The following NAALADL2 variants were observed in gnomAD, a reference collection of about 807,000 sequenced individuals.
The protein encoded by NAALADL2 is inactive N-acetylated-alpha-linked acidic dipeptidase-like protein 2.
In NAALADL2, 76 loss-of-function variants were observed where a neutral mutation model predicts 87.2. That is an observed-to-expected ratio of 0.87 (90% CI 0.72 to 1.05). NAALADL2 has a LOEUF of 1.05. Among genes scored for constraint, NAALADL2 ranks in the 50% least tolerant of loss-of-function variants. The pLI, the probability that NAALADL2 is intolerant of heterozygous loss-of-function variation, is 0.00. For synonymous variants in NAALADL2, 354 were observed against 331.0 expected (o/e 1.07, Z -0.75); for missense variants, 1,089 against 945.8 (o/e 1.15, Z -1.99).
chr3:174,669,668 G>A (rs990922686), intron 2 of NAALADL2, among the ~76,000 whole-genome samples: 4 of 152,064 alleles, frequency 2.6e-5, no homozygotes, highest in Non-Finnish European at 4.4e-5. Context: ...TTGGAATTAG[G>A]AAGTGTGATG....
intron 9 of NAALADL2, among the ~76,000 whole-genome samples, chr3:175,568,195 T>C (rs1181322732): frequency 6.6e-6 from 1 of 152,054 alleles, no homozygotes; most frequent in Non-Finnish European, 1.5e-5. Flanking sequence ...ACTTCTAGTA[T>C]AAAATAGTAG....
chr3:175,554,529 G>C (rs1714947562), intron 9 of NAALADL2, among the ~76,000 whole-genome samples: 1 of 151,968 alleles, frequency 6.6e-6, no homozygotes, highest in African/African-American at 2.4e-5. Flanking sequence ...TATAGGTAAT[G>C]ATATAGTCAG....
intron 11 of NAALADL2, among the ~76,000 whole-genome samples, chr3:175,636,676 T>C (rs939902330): frequency 5.3e-5 from 7 of 133,236 alleles, no homozygotes; most frequent in African/African-American, 8.6e-5. Flanking sequence ...CCAGCCTTGG[T>C]GACAGAGCAA....
chr3:174,773,784 C>T (rs184081296), intron 3 of NAALADL2, among the ~76,000 whole-genome samples: 58 of 152,182 alleles, frequency 3.8e-4, no homozygotes, highest in Non-Finnish European at 6.5e-4. Flanking sequence ...GAGAGCCTCA[C>T]GTTAGGTAGG....
chr3:175,765,516 G>T (rs1748573381), intron 13 of NAALADL2, among the ~76,000 whole-genome samples: 1 of 151,994 alleles, frequency 6.6e-6, no homozygotes, highest in South Asian at 2.1e-4. Flanking sequence ...AAAAATTTCA[G>T]TTGACAATGA....
intron 5 of NAALADL2, among the ~76,000 whole-genome samples, chr3:175,364,631 A>G: frequency 6.8e-6 from 1 of 147,744 alleles, no homozygotes; most frequent in Non-Finnish European, 1.5e-5. Flanking sequence ...GATGTTCCCA[A>G]AACACATCTA....
chr3:174,778,603 T>C (rs539222163), intron 3 of NAALADL2, among the ~76,000 whole-genome samples: 1 of 152,174 alleles, frequency 6.6e-6, no homozygotes, highest in Admixed American at 6.5e-5. Flanking sequence ...ACATTGTGTA[T>C]GTCTCCTAAT....
chr3:174,522,676 T>C (rs955404164), intron 1 of NAALADL2, among the ~76,000 whole-genome samples: 1 of 151,866 alleles, frequency 6.6e-6, no homozygotes, highest in Non-Finnish European at 1.5e-5. Context: ...GGCTCACACC[T>C]GTAATCCCAG....
intron 5 of NAALADL2, among the ~76,000 whole-genome samples, chr3:175,342,505 CGTGTGTGTGT>C (rs35444340): frequency 4.8e-5 from 7 of 146,620 alleles, no homozygotes; most frequent in African/African-American, 7.5e-5. Flanking sequence ...CCAAATATTG[CGTGTGTGTGT>C]GTGTGTGTGT....
chr3:175,046,928 C>T (rs1038592246), intron 1 of NAALADL2, among the ~76,000 whole-genome samples: 4 of 152,114 alleles, frequency 2.6e-5, no homozygotes, highest in African/African-American at 7.2e-5. Context: ...GTATGTTTCA[C>T]AGTTCTGAAG....
chr3:175,769,616 C>T (rs73171464), intron 13 of NAALADL2, among the ~76,000 whole-genome samples: 13,115 of 152,072 alleles, frequency 0.086, 588 homozygotes, highest in Middle Eastern at 0.12. Context: ...ATGGAAAAAA[C>T]GGAAAAATTA....
At chr3:175,568,963 T>C (rs1054837768) in intron 9 of NAALADL2, among the ~76,000 whole-genome samples, 9 of 152,200 alleles carry the variant, frequency 5.9e-5, no homozygotes, top group Non-Finnish European at 8.8e-5. Context: ...AAGTTACAAG[T>C]ACTACTAATA....
chr3:175,421,686 A>G (rs1446281050), intron 5 of NAALADL2, among the ~76,000 whole-genome samples: 1 of 152,108 alleles, frequency 6.6e-6, no homozygotes, highest in African/African-American at 2.4e-5. Context: ...TCATTCATTC[A>G]TTGATTTACT....
intron 3 of NAALADL2, among the ~76,000 whole-genome samples, chr3:174,812,310 G>A (rs1720307359): frequency 1.3e-5 from 2 of 152,052 alleles, no homozygotes; most frequent in African/African-American, 4.8e-5. Flanking sequence ...GATTTTAATG[G>A]AGCTGAAAAC....
chr3:175,749,054 C>A (rs1456992669), intron 12 of NAALADL2, among the ~76,000 whole-genome samples: 1 of 146,246 alleles, frequency 6.8e-6, no homozygotes, highest in Non-Finnish European at 1.5e-5. Flanking sequence ...CTGCAGTGAG[C>A]TTTGATTGTA....
intron 10 of NAALADL2, among the ~76,000 whole-genome samples, chr3:175,625,235 A>G (rs1307600774): frequency 1.3e-5 from 2 of 151,988 alleles, no homozygotes; most frequent in African/African-American, 4.8e-5. Context: ...TAAACTCCAC[A>G]TAACCTCAGG....
At chr3:175,542,619 C>G (rs1184297875) in intron 9 of NAALADL2, among the ~76,000 whole-genome samples, 1 of 152,126 alleles carries the variant, frequency 6.6e-6, no homozygotes, top group South Asian at 2.1e-4. Context: ...CTCGGCCTCC[C>G]AAAGTGCTGG....
At chr3:174,508,114 G>GTGTTTTTTTTTTTGT (rs1719327047) in intron 1 of NAALADL2, among the ~76,000 whole-genome samples, 2 of 103,884 alleles carry the variant, frequency 1.9e-5, no homozygotes, top group African/African-American at 7.1e-5. Flanking sequence ...ATATCTAGTG[G>GTGTTTTTTTTTTTGT]TTTTTTTTTT....
In NAALADL2 at chr3:175,051,024, A is replaced by T. The variant is rs547878073; in HGVS notation, c.44-45766A>T. On this transcript the variant is annotated intron_variant, in intron 1 of 13. Coordinates refer to ENST00000454872, the MANE Select transcript of NAALADL2 (RefSeq NM_207015.3). ...AATAAAGCTAGCATTAGTGAGGAAG[A>T]CAGATATTGGGTCAGTATAAAAGTA... 2.5e-4 allele frequency among the ~76,000 whole-genome samples: 38 copies of T among 152,330 alleles called. 2 individuals are homozygous for T. In the South Asian group the frequency reaches 7.5e-3, roughly 30 times the overall value.
Sources: allele counts gnomAD v4.1 joint callset (sites outside exome capture counted in the v4.1 genomes callset), GRCh38; gene constraint gnomAD v4.1.1; transcripts MANE v1.5; gene names NCBI Gene and HGNC (gene_info 2026-07-23, HGNC 2026-07-21).